The following FAM222A variants were observed in gnomAD, a reference collection of about 807,000 sequenced individuals.
The protein encoded by FAM222A is family with sequence similarity 222 member A, also known as protein FAM222A.
Under a neutral mutation model 25.8 loss-of-function variants are expected in FAM222A, and 7 were observed. That is an observed-to-expected ratio of 0.27 (90% CI 0.15 to 0.51). The LOEUF (loss-of-function observed/expected upper bound fraction) is 0.51, where lower values mean the gene tolerates loss of function less well. FAM222A is among the 20% of genes least tolerant of loss of function. The pLI is 0.97. For synonymous variants in FAM222A, 294 were observed against 298.8 expected (o/e 0.98, Z 0.17); for missense variants, 573 against 640.5 (o/e 0.89, Z 1.14).
In FAM222A at chr12:109,768,940, C is replaced by T. The variant is rs751947224; in HGVS notation, c.1011C>T (p.Thr337=). 6.3e-7 allele frequency: 1 copy of T among 1,574,928 alleles called. No homozygotes were observed. Among genetic ancestry groups the T allele is most frequent in the East Asian group, 2.3e-5 (1 of 43,038 alleles). Residue 337 remains threonine, a synonymous_variant, in exon 3 of 3, where the codon ACC becomes ACT. Coordinates refer to ENST00000538780, the MANE Select transcript of FAM222A (RefSeq NM_032829.3). ...TCAACTGTGGCGTGGGGCTGCCCAC[C>T]AGCTTCACCGTAGGCCAGTACTTTG... ...SPLNCGVGLP[T]SFTVGQYFAA...
Position 109,768,817 on chromosome 12 carries a change from G to T in FAM222A, c.888G>T (p.Pro296=). The change falls in exon 3 of 3, where the codon CCG becomes CCT. Residue 296 remains proline (P), a synonymous_variant. Transcript: ENST00000538780. ...GGCCGCAGAAACCGCCCCCACCGCCGCCCCAGCCACTGCGTGCCTACAGTG... is the reference window on the plus strand; with the variant it reads ...GGCCGCAGAAACCGCCCCCACCGCCTCCCCAGCCACTGCGTGCCTACAGTG... The part of the protein sequence containing the change: ...LLWPQKPPPP[P]PQPLRAYSGS... 3 of 1,573,566 alleles carry T rather than the reference G, an allele frequency of 1.9e-6. No individual in the cohort carries two copies. Among genetic ancestry groups the T allele is most frequent in the Non-Finnish European group, 2.6e-6 (3 of 1,166,258 alleles).
chr12:109,744,139 G>A lies in FAM222A; in HGVS notation c.-8G>A. 6.2e-7 allele frequency: 1 copy of A among 1,612,358 alleles called. No homozygotes were observed. The highest frequency in any genetic ancestry group is 1.1e-5 in the South Asian group (1 of 91,034). ...GAGCGCACCCCACTGGGGACCCCCA[G>A]CTCAGCCATGCTGGCCTGTCTGCAG... is the stretch of plus-strand genomic sequence containing the variant. On this transcript the variant is annotated 5_prime_UTR_variant, in exon 2 of 3. Coordinates refer to ENST00000538780, the MANE Select transcript of FAM222A (RefSeq NM_032829.3).
chr12:109,751,794 T>C (rs1002406853), intron 2 of FAM222A, among the ~76,000 whole-genome samples: 1 of 152,196 alleles, frequency 6.6e-6, no homozygotes, highest in Non-Finnish European at 1.5e-5. Flanking sequence ...TTTTGGAAAG[T>C]GTTTGCTGCT....
At chr12:109,723,083 A>G (rs1887779427) in intron 1 of FAM222A, among the ~76,000 whole-genome samples, 1 of 152,076 alleles carries the variant, frequency 6.6e-6, no homozygotes, top group African/African-American at 2.4e-5. Context: ...CCCAAAGCCA[A>G]ATGATGCATT....
chr12:109,761,633 A>G (rs1308614888), intron 2 of FAM222A, among the ~76,000 whole-genome samples: 1 of 151,990 alleles, frequency 6.6e-6, no homozygotes, highest in Non-Finnish European at 1.5e-5. Flanking sequence ...GCCTCTTTCC[A>G]TGTGTCTCCC....
intron 1 of FAM222A, among the ~76,000 whole-genome samples, chr12:109,718,678 T>G (rs1467294027): frequency 6.6e-6 from 1 of 152,224 alleles, no homozygotes; most frequent in East Asian, 1.9e-4. Flanking sequence ...GGAGGAGGGC[T>G]GCGGTGCCGG....
intron 1 of FAM222A, 127 bp downstream of exon 1, chr12:109,715,024 C>T (rs74339963): frequency 0.04 from 6,125 of 152,480 alleles, 180 homozygotes; most frequent in Middle Eastern, 0.064. Flanking sequence ...CCTTGTCCGC[C>T]CCTTTCCTCC....
chr12:109,729,326 A>G (rs1887898656), intron 1 of FAM222A, among the ~76,000 whole-genome samples: 1 of 152,232 alleles, frequency 6.6e-6, no homozygotes, highest in South Asian at 2.1e-4. Context: ...TGCACCCTTT[A>G]ATGACCCTGT....
At position 109,741,461 on chromosome 12, in the gene FAM222A, G is replaced by A. The variant is rs1006539641; in HGVS notation, c.-46-2640G>A. Among the ~76,000 whole-genome samples, 7 of 152,304 alleles carry A rather than the reference G, an allele frequency of 4.6e-5. No individual in the cohort carries two copies. The South Asian group carries it at 1.0e-3, about 23-fold the overall frequency. The stretch of plus-strand genomic sequence containing the variant: ...TGCCTGGCATCCACCATAAGAGCAC[G>A]CTGACAACTAGAGCCCTGCTGGGAA... On this transcript the variant is annotated intron_variant, in intron 1 of 2. Transcript: ENST00000538780.
intron 2 of FAM222A, among the ~76,000 whole-genome samples, chr12:109,749,059 G>C (rs1888486375): frequency 6.6e-6 from 1 of 152,046 alleles, no homozygotes; most frequent in Non-Finnish European, 1.5e-5. Flanking sequence ...ACTCATTTGA[G>C]TCCCACGCAT....
Position 109,714,213 on chromosome 12 carries a change from CGCCGCTGCCGCCGCCGCT to C in FAM222A, c.-729_-712del. 2 of 182,740 alleles carry C rather than the reference CGCCGCTGCCGCCGCCGCT, an allele frequency of 1.1e-5. No individual in the cohort carries two copies. Among genetic ancestry groups the C allele is most frequent in the Non-Finnish European group, 2.2e-5 (2 of 91,882 alleles). The allele number at this position is 182,740 out of a possible 1,614,324, so 11.3% of individuals were successfully genotyped here. A position where few individuals can be genotyped will look rare whatever the true frequency, so the allele number is the denominator to read the frequency against. ...TTGCGTCGCCCGCTGCCGCCGCCGC[CGCCGCTGCCGCCGCCGCT>C]GTTCGCCGGCTTCCCCTCCCCCCAC... On this transcript the variant is annotated 5_prime_UTR_variant, in exon 1 of 3. Coordinates refer to ENST00000538780, the MANE Select transcript of FAM222A (RefSeq NM_032829.3). This position sits in a 1 kb window ranked among gnomAD's most constrained non-coding sequence, Gnocchi z 4.2.
chr12:109,750,929 T>C (rs147412463), intron 2 of FAM222A, among the ~76,000 whole-genome samples: 1 of 152,312 alleles, frequency 6.6e-6, no homozygotes, highest in Non-Finnish European at 1.5e-5. Flanking sequence ...ATATCTTTCA[T>C]GTCCAGTTAC....
intron 1 of FAM222A, among the ~76,000 whole-genome samples, chr12:109,716,476 A>G (rs974815473): frequency 3.9e-5 from 6 of 152,218 alleles, no homozygotes; most frequent in Non-Finnish European, 5.9e-5. Context: ...TAACAGGTCA[A>G]TAAATATCGG....
At chr12:109,722,323 G>T (rs537129151) in intron 1 of FAM222A, among the ~76,000 whole-genome samples, 1 of 152,356 alleles carries the variant, frequency 6.6e-6, no homozygotes, top group South Asian at 2.1e-4. Flanking sequence ...AGCTCTTTCA[G>T]CAGAGTAACA....
At chr12:109,753,735 C>T (rs1438200065) in intron 2 of FAM222A, among the ~76,000 whole-genome samples, 2 of 150,106 alleles carry the variant, frequency 1.3e-5, no homozygotes, top group Admixed American at 6.7e-5. Context: ...ACCCTCAGGA[C>T]GCCGACAGGC....
At chr12:109,738,625 T>C (rs1008418567) in intron 1 of FAM222A, among the ~76,000 whole-genome samples, 1 of 152,210 alleles carries the variant, frequency 6.6e-6, no homozygotes, top group Non-Finnish European at 1.5e-5. Context: ...CCATCTACTC[T>C]ACTCCTTGCA....
intron 1 of FAM222A, among the ~76,000 whole-genome samples, chr12:109,741,560 C>T (rs76331158): frequency 0.011 from 1,630 of 152,308 alleles, 27 homozygotes; most frequent in African/African-American, 0.037. Context: ...GCCCCCAGCC[C>T]ACCCTTTTTC....
intron 2 of FAM222A, among the ~76,000 whole-genome samples, chr12:109,757,416 A>G (rs1888763250): frequency 6.6e-6 from 1 of 152,204 alleles, no homozygotes; most frequent in Admixed American, 6.5e-5. Context: ...CAGGAGACAA[A>G]GCAGGGGTTG....
At chr12:109,746,077 T>C (rs1049723842) in intron 2 of FAM222A, among the ~76,000 whole-genome samples, 1 of 152,222 alleles carries the variant, frequency 6.6e-6, no homozygotes, top group African/African-American at 2.4e-5. Context: ...AAGTGAGACT[T>C]ATCAGTATTT....
Sources: allele counts gnomAD v4.1 joint callset (sites outside exome capture counted in the v4.1 genomes callset), GRCh38; gene constraint gnomAD v4.1.1; non-coding constraint Gnocchi (gnomAD v3.1); transcripts MANE v1.5; gene names NCBI Gene and HGNC (gene_info 2026-07-23, HGNC 2026-07-21).